Variants in STK24 observed in about 807,000 individuals in gnomAD.
STK24 encodes the protein serine/threonine kinase 24.
A neutral mutation model predicts 55.6 loss-of-function variants in STK24; 21 were observed. The observed-to-expected ratio is 0.38, with a 90% confidence interval of 0.27 to 0.54. The LOEUF (loss-of-function observed/expected upper bound fraction) is 0.54. STK24 is among the 20% of genes least tolerant of loss of function. The pLI, the probability that STK24 is intolerant of heterozygous loss-of-function variation, is 0.79. For synonymous variants in STK24, 200 were observed against 215.2 expected (o/e 0.93, Z 0.62); for missense variants, 383 against 538.4 (o/e 0.71, Z 2.86).
Position 98,448,171 on chromosome 13 carries a change from G to A in STK24, c.*5002C>T, listed in dbSNP as rs1161464435. Reference sequence around the variant, plus strand: ...TTCACCTTGTGTTTCTGTAAGCGATGCCCACCAAAGTGTCAGGAGTCCGTC... The same window carrying A: ...TTCACCTTGTGTTTCTGTAAGCGATACCCACCAAAGTGTCAGGAGTCCGTC... On this transcript the variant is annotated 3_prime_UTR_variant, in exon 11 of 11. Coordinates refer to ENST00000539966, the MANE Select transcript of STK24 (RefSeq NM_001032296.4). The A allele has an allele frequency of 5.9e-6, 8 of 1,353,494 alleles. No homozygotes were observed. In the East Asian group the frequency reaches 1.8e-4, roughly 31 times the overall value. 83.8% of individuals were successfully genotyped at this position (1,353,494 alleles called of 1,614,324 possible).
chr13:98,522,369 T>G (rs193271816), intron 1 of STK24, among the ~76,000 whole-genome samples: 32 of 152,292 alleles, frequency 2.1e-4, no homozygotes, highest in Non-Finnish European at 4.6e-4. Context: ...CAGAACCACC[T>G]AGGACATCTG....
chr13:98,447,029 C>T lies in STK24; in HGVS notation c.*6144G>A, dbSNP rs752499775. 1.2e-4 allele frequency: 65 copies of T among 546,436 alleles called. 1 individual carries two copies. Among genetic ancestry groups the T allele is most frequent in the South Asian group, 1.2e-3 (54 of 45,934 alleles). The allele number at this position is 546,436 out of a possible 1,614,324, so 33.8% of individuals were successfully genotyped here. A position where few individuals can be genotyped will look rare whatever the true frequency, so the allele number is the denominator to read the frequency against. On this transcript the variant is annotated 3_prime_UTR_variant, in exon 11 of 11. Transcript: ENST00000539966. ...AACTTCCCTGCGCCCTTACCCTGCA[C>T]GGTGTTGGCTGAGGCCCTAGACATC...
chr13:98,446,365 A>G lies in STK24; in HGVS notation c.*6808T>C, dbSNP rs1480754679. 1 of 607,356 alleles carries G rather than the reference A, an allele frequency of 1.6e-6. No homozygotes were observed. The highest frequency in any genetic ancestry group is 2.9e-6 in the Non-Finnish European group (1 of 341,068). 37.6% of individuals were successfully genotyped at this position (607,356 alleles called of 1,614,324 possible). A position where few individuals can be genotyped will look rare whatever the true frequency, so the allele number is the denominator to read the frequency against. ...GGGGCCCTGTCCACCCGAGGCCCTCAACTCTAGGGAAGACTGACATTATCA... is the reference window on the plus strand; with the variant it reads ...GGGGCCCTGTCCACCCGAGGCCCTCGACTCTAGGGAAGACTGACATTATCA... On this transcript the variant is annotated 3_prime_UTR_variant, in exon 11 of 11. Coordinates refer to ENST00000539966, the MANE Select transcript of STK24 (RefSeq NM_001032296.4).
At chr13:98,531,460 T>G (rs550194689) in intron 1 of STK24, among the ~76,000 whole-genome samples, 1 of 152,132 alleles carries the variant, frequency 6.6e-6, no homozygotes, top group East Asian at 1.9e-4. Flanking sequence ...GCCTCCTCCA[T>G]TGCCCTGGGA....
At chr13:98,494,975 C>A (rs1895192218) in intron 2 of STK24, among the ~76,000 whole-genome samples, 1 of 152,222 alleles carries the variant, frequency 6.6e-6, no homozygotes. Flanking sequence ...GTGAAGATGA[C>A]CCTGTGGCAG....
At chr13:98,471,933 C>G (rs1594585547) in intron 5 of STK24, among the ~76,000 whole-genome samples, 2 of 152,140 alleles carry the variant, frequency 1.3e-5, no homozygotes, top group Non-Finnish European at 2.9e-5. Flanking sequence ...AGTGCACAGA[C>G]TAGGAGGGGA....
At chr13:98,521,713 A>G in intron 1 of STK24, 1 of 766,238 alleles carries the variant, frequency 1.3e-6, no homozygotes, top group Non-Finnish European at 2.4e-6. Context: ...TTTTAGCTAT[A>G]ATGAAACATA....
At chr13:98,563,525 T>C (rs1217459568) in intron 1 of STK24, among the ~76,000 whole-genome samples, 2 of 152,180 alleles carry the variant, frequency 1.3e-5, no homozygotes, top group African/African-American at 2.4e-5. Context: ...TAAGTCTGTA[T>C]AATGTGCTGT....
intron 1 of STK24, among the ~76,000 whole-genome samples, chr13:98,528,124 T>C (rs1896484631): frequency 6.6e-6 from 1 of 152,168 alleles, no homozygotes; most frequent in Non-Finnish European, 1.5e-5. Context: ...GATATGCAGG[T>C]TGGCCCAGGG....
At chr13:98,501,999 G>A (rs562476678) in intron 2 of STK24, among the ~76,000 whole-genome samples, 1 of 152,266 alleles carries the variant, frequency 6.6e-6, no homozygotes, top group Admixed American at 6.5e-5. Context: ...TTAAGCTGCT[G>A]CCCCAGCTCT....
intron 1 of STK24, among the ~76,000 whole-genome samples, chr13:98,554,672 A>G (rs1464401839): frequency 6.6e-6 from 1 of 152,210 alleles, no homozygotes; most frequent in African/African-American, 2.4e-5. Flanking sequence ...AATAAAAAAC[A>G]AACTAAAAAC....
chr13:98,569,853 A>G (rs1409423981), intron 1 of STK24, among the ~76,000 whole-genome samples: 2 of 59,484 alleles, frequency 3.4e-5, no homozygotes, highest in African/African-American at 1.1e-4. Context: ...TGAAACCAGG[A>G]AAAAAAAAAA....
intron 1 of STK24, among the ~76,000 whole-genome samples, chr13:98,520,120 T>C (rs1896207600): frequency 1.3e-5 from 2 of 152,184 alleles, no homozygotes; most frequent in South Asian, 4.1e-4. Flanking sequence ...AGTATACATT[T>C]CTAAGAAGGC....
Position 98,481,466 on chromosome 13 carries a change from G to A in STK24, c.330+799C>T, listed in dbSNP as rs368720941. On this transcript the variant is annotated intron_variant, in intron 3 of 10. Coordinates refer to ENST00000539966, the MANE Select transcript of STK24 (RefSeq NM_001032296.4). Reference sequence around the variant, plus strand: ...AGCGCTGGCAAGCAGGGAAGTGTGTGTTCCCCTTAGGCATGACCACTGCTC... The same window carrying A: ...AGCGCTGGCAAGCAGGGAAGTGTGTATTCCCCTTAGGCATGACCACTGCTC... Among the ~76,000 whole-genome samples the A allele has an allele frequency of 6.6e-5, 10 of 152,314 alleles. 1 individual carries two copies. The South Asian group carries it at 2.1e-3, about 32-fold the overall frequency.
intron 2 of STK24, among the ~76,000 whole-genome samples, chr13:98,509,676 G>A (rs372008486): frequency 5.9e-5 from 9 of 152,282 alleles, no homozygotes; most frequent in Non-Finnish European, 7.3e-5. Context: ...GGCCCAGCTC[G>A]CTGGCCAAGA....
At chr13:98,463,975 G>C in intron 6 of STK24, 139 bp from the exon 7 acceptor site, 1 of 976,772 alleles carries the variant, frequency 1.0e-6, no homozygotes, top group East Asian at 2.5e-5. Flanking sequence ...GCTTCTCACT[G>C]CAACTCACCC....
chr13:98,564,701 A>G (rs1897520782), intron 1 of STK24, among the ~76,000 whole-genome samples: 2 of 152,154 alleles, frequency 1.3e-5, no homozygotes, highest in Admixed American at 6.5e-5. Context: ...GGGTTTTCCA[A>G]AAAGACTACT....
chr13:98,511,340 G>T (rs1487148881), intron 2 of STK24, among the ~76,000 whole-genome samples: 1 of 152,172 alleles, frequency 6.6e-6, no homozygotes, highest in African/African-American at 2.4e-5. Context: ...TGGCAAACAT[G>T]AAAATTACTG....
At chr13:98,565,058 G>A (rs1442297338) in intron 1 of STK24, among the ~76,000 whole-genome samples, 2 of 152,208 alleles carry the variant, frequency 1.3e-5, no homozygotes, top group Non-Finnish European at 2.9e-5. Context: ...CAAGCCATAG[G>A]CTGCAAGCAC....
Sources: allele counts gnomAD v4.1 joint callset (sites outside exome capture counted in the v4.1 genomes callset), GRCh38; gene constraint gnomAD v4.1.1; transcripts MANE v1.5; gene names NCBI Gene and HGNC (gene_info 2026-07-23, HGNC 2026-07-21).